The following SLC6A11 variants were observed in gnomAD, a reference collection of about 807,000 sequenced individuals.
SLC6A11 encodes the protein solute carrier family 6 member 11, also known as sodium- and chloride-dependent GABA transporter 3.
In SLC6A11, 25 loss-of-function variants were observed where a neutral mutation model predicts 74.8. The ratio of observed to expected loss-of-function variants is 0.33; its 90% CI spans 0.24 to 0.47. The LOEUF is 0.47. SLC6A11 is among the 20% of genes least tolerant of loss of function. The pLI is 1.00. For synonymous variants in SLC6A11, 330 were observed against 330.2 expected (o/e 1.00, Z 0.01); for missense variants, 574 against 837.0 (o/e 0.69, Z 3.88).
At chr3:10,823,045 G>A (rs548377340) in intron 3 of SLC6A11, among the ~76,000 whole-genome samples, 148 of 152,294 alleles carry the variant, frequency 9.7e-4, no homozygotes, top group African/African-American at 3.4e-3. Flanking sequence ...GGGTAGAGGA[G>A]ACAGTTTGAT....
intron 6 of SLC6A11, among the ~76,000 whole-genome samples, chr3:10,886,252 G>A (rs1409073937): frequency 6.6e-6 from 1 of 152,164 alleles, no homozygotes; most frequent in Non-Finnish European, 1.5e-5. Flanking sequence ...AGCAGAGATC[G>A]ACTCCCTTGC....
chr3:10,875,053 G>A lies in SLC6A11; in HGVS notation c.849G>A (p.Lys283=). ...VTLPGASEGI[K]FYLYPDLSRL... ...TGCCCGGGGCCTCAGAGGGCATCAA[G>A]TTCTACTTGTACCCTGACCTCTCCC... The change falls in exon 6 of 14, where the codon AAG becomes AAA. Residue 283 remains lysine (K), a synonymous_variant. Coordinates refer to ENST00000254488, the MANE Select transcript of SLC6A11 (RefSeq NM_014229.3). 1.9e-6 allele frequency: 3 copies of A among 1,613,700 alleles called. No individual in the cohort carries two copies. Among genetic ancestry groups the A allele is most frequent in the Non-Finnish European group, 1.7e-6 (2 of 1,179,770 alleles).
Position 10,925,309 on chromosome 3 carries a change from A to C in SLC6A11, c.1121-695A>C, listed in dbSNP as rs76466272. Among the ~76,000 whole-genome samples the C allele has an allele frequency of 0.012, 1,878 of 152,280 alleles. 67 individuals carry two copies. The East Asian group carries it at 0.16, about 13-fold the overall frequency. ...GTCATCTCACTGAATTCTCAAAACC[A>C]CTTTTTTTAGATAGGACTTTATTAT... On this transcript the variant is annotated intron_variant, in intron 8 of 13. Coordinates refer to ENST00000254488, the MANE Select transcript of SLC6A11 (RefSeq NM_014229.3).
intron 6 of SLC6A11, among the ~76,000 whole-genome samples, chr3:10,906,765 G>T: frequency 6.6e-6 from 1 of 152,190 alleles, no homozygotes. Flanking sequence ...AATGAAAGGA[G>T]AAATTTTGGA....
At position 10,932,660 on chromosome 3, in the gene SLC6A11, A is replaced by G. The variant is rs533664412; in HGVS notation, c.1372-491A>G. ...GACTGTGGGAAGGGAGATGAGGCCA[A>G]TGAGGAGGGCAGCAGCCGTGACTAG... On this transcript the variant is annotated intron_variant, in intron 10 of 13. Transcript: ENST00000254488. 2.3e-4 allele frequency among the ~76,000 whole-genome samples: 35 copies of G among 152,256 alleles called. 1 individual carries two copies. In the South Asian group the frequency reaches 6.8e-3, roughly 30 times the overall value.
chr3:10,842,777 G>T (rs530315030), intron 4 of SLC6A11, among the ~76,000 whole-genome samples: 1 of 152,168 alleles, frequency 6.6e-6, no homozygotes, highest in Non-Finnish European at 1.5e-5. Context: ...GGCTATGGGT[G>T]TGAGAGCTGA....
At chr3:10,890,173 A>G (rs1559573134) in intron 6 of SLC6A11, among the ~76,000 whole-genome samples, 1 of 152,046 alleles carries the variant, frequency 6.6e-6, no homozygotes, top group Non-Finnish European at 1.5e-5. Flanking sequence ...TCTATTGGAC[A>G]TTAGTGCTTT....
intron 6 of SLC6A11, among the ~76,000 whole-genome samples, chr3:10,885,936 A>C (rs1695037315): frequency 6.6e-6 from 1 of 152,054 alleles, no homozygotes; most frequent in South Asian, 2.1e-4. Context: ...CTCTGTGCAC[A>C]GCTCCCTTTC....
intron 6 of SLC6A11, among the ~76,000 whole-genome samples, chr3:10,877,398 C>T (rs1694921792): frequency 6.6e-6 from 1 of 152,206 alleles, no homozygotes; most frequent in Non-Finnish European, 1.5e-5. Flanking sequence ...CTCACTTTCC[C>T]TCCCTCCTGC....
intron 6 of SLC6A11, among the ~76,000 whole-genome samples, chr3:10,908,722 C>G (rs929579318): frequency 1.3e-5 from 2 of 152,150 alleles, no homozygotes; most frequent in African/African-American, 2.4e-5. Flanking sequence ...TTGAGTGGTA[C>G]TCTTTCAGAG....
In SLC6A11 at chr3:10,938,406, G is replaced by A; in HGVS notation, c.*4G>A. On this transcript the variant is annotated 3_prime_UTR_variant, in exon 14 of 14. Coordinates refer to ENST00000254488, the MANE Select transcript of SLC6A11 (RefSeq NM_014229.3). ...AGAGAAGGAGACGCACTTCTGAGCG[G>A]CCACCAGCCATCTGGGGCTCTTCTT... 1 of 1,587,758 alleles carries A rather than the reference G, an allele frequency of 6.3e-7. No individual in the cohort carries two copies. The highest frequency in any genetic ancestry group is 1.3e-5 in the African/African-American group (1 of 74,420).
intron 10 of SLC6A11, 90 bp from the exon 11 acceptor site, chr3:10,933,061 G>C (rs1156843141): frequency 2.3e-6 from 2 of 867,076 alleles, no homozygotes; most frequent in Non-Finnish European, 3.9e-6. Context: ...ACAGAGCAGA[G>C]AGAGGGACCT....
chr3:10,911,124 G>A (rs1055101738), intron 6 of SLC6A11, among the ~76,000 whole-genome samples: 3 of 152,152 alleles, frequency 2.0e-5, no homozygotes, highest in African/African-American at 4.8e-5. Flanking sequence ...CACCATGCCC[G>A]GCCGGGTTGC....
intron 4 of SLC6A11, chr3:10,825,547 T>C (rs1488839533): frequency 6.6e-6 from 1 of 152,190 alleles, no homozygotes; most frequent in East Asian, 1.9e-4. Context: ...AAGTTTCCAT[T>C]TTATTGAAGT....
At chr3:10,863,649 A>G (rs1479534070) in intron 5 of SLC6A11, among the ~76,000 whole-genome samples, 1 of 152,254 alleles carries the variant, frequency 6.6e-6, no homozygotes, top group South Asian at 2.1e-4. Flanking sequence ...CCTAGAAGAC[A>G]TGGTCATTGA....
intron 1 of SLC6A11, among the ~76,000 whole-genome samples, chr3:10,818,016 T>A (rs1308536585): frequency 6.6e-6 from 1 of 151,870 alleles, no homozygotes; most frequent in Non-Finnish European, 1.5e-5. Flanking sequence ...CAAAAAGCAT[T>A]CATAAAAGCA....
chr3:10,913,453 T>C (rs2697166), intron 7 of SLC6A11, among the ~76,000 whole-genome samples: 56,489 of 152,044 alleles, frequency 0.37, 11,192 homozygotes, highest in East Asian at 0.52. Flanking sequence ...TAAATGGGTG[T>C]GTTTTGTTTA....
intron 5 of SLC6A11, among the ~76,000 whole-genome samples, chr3:10,866,649 C>T (rs1694766173): frequency 6.6e-6 from 1 of 152,236 alleles, no homozygotes. Flanking sequence ...AACTTTAGCT[C>T]TTCATGGAAA....
chr3:10,874,866 C>G (rs1694888766), intron 5 of SLC6A11, 95 bp from the exon 6 acceptor site: 1 of 1,259,884 alleles, frequency 7.9e-7, no homozygotes, highest in Admixed American at 2.1e-5. Flanking sequence ...AGAGAGGGTC[C>G]TGGTGCAACA....
Sources: gnomAD v4.1 joint callset for allele counts (sites outside exome capture counted in the v4.1 genomes callset) on GRCh38, gnomAD v4.1.1 for gene constraint, MANE v1.5 for transcripts, NCBI Gene and HGNC (gene_info 2026-07-23, HGNC 2026-07-21) for gene names.